The following WSB2 variants were observed in gnomAD, a reference collection of about 807,000 sequenced individuals.
WSB2 encodes the protein WD repeat and SOCS box-containing protein 2.
Under a neutral mutation model 48.8 loss-of-function variants are expected in WSB2, and 12 were observed. The observed-to-expected ratio is 0.25, with a 90% CI of 0.16 to 0.40. WSB2 has a LOEUF of 0.40. WSB2 is among the 10% of genes least tolerant of loss of function. The pLI is 1.00. For missense variants in WSB2, 317 were observed against 506.2 expected (o/e 0.63, Z 3.59); for synonymous variants, 191 against 203.1 (o/e 0.94, Z 0.51).
chr12:118,034,658 A>G (rs2031463945), intron 8 of WSB2: 1 of 493,944 alleles, frequency 2.0e-6, no homozygotes. Context: ...AGTGCCACCT[A>G]CTGAATTATA....
intron 4 of WSB2, among the ~76,000 whole-genome samples, chr12:118,042,121 CT>C (rs1323277701): frequency 2.6e-5 from 4 of 152,168 alleles, no homozygotes. Flanking sequence ...TGGGCCACCC[CT>C]GTATATAGTT....
intron 2 of WSB2, among the ~76,000 whole-genome samples, chr12:118,044,538 T>G (rs940880071): frequency 3.3e-5 from 5 of 152,214 alleles, no homozygotes; most frequent in African/African-American, 1.2e-4. Context: ...TCCTAACTGA[T>G]GGTAACCCGC....
At chr12:118,042,166 C>T (rs894561251) in intron 4 of WSB2, among the ~76,000 whole-genome samples, 3 of 152,180 alleles carry the variant, frequency 2.0e-5, no homozygotes, top group Non-Finnish European at 4.4e-5. Flanking sequence ...ACCTGATGCC[C>T]CATAGCCTGA....
chr12:118,047,685 C>CATGTA (rs2031771642), intron 2 of WSB2, among the ~76,000 whole-genome samples: 1 of 152,126 alleles, frequency 6.6e-6, no homozygotes, highest in Admixed American at 6.6e-5. Flanking sequence ...TGTACTCCAG[C>CATGTA]CTGGGTGACA....
At position 118,061,157 on chromosome 12, in the gene WSB2, C is replaced by A; in HGVS notation, c.-109G>T. The A allele has an allele frequency of 1.0e-6, 1 of 982,852 alleles. No homozygotes were observed. The highest frequency in any genetic ancestry group is 1.2e-6 in the Non-Finnish European group (1 of 828,800). 60.9% of individuals were successfully genotyped at this position (982,852 alleles called of 1,614,324 possible). A position where few individuals can be genotyped will look rare whatever the true frequency, so the allele number is the denominator to read the frequency against. ...CGCCCCGGCCAGGCCGCCGCCGCCG[C>A]CCGGAGAGGCCATCAGCTGCTTCCC... On this transcript the variant is annotated 5_prime_UTR_variant, in exon 1 of 9. Transcript: ENST00000315436.
intron 5 of WSB2, chr12:118,037,987 G>A: frequency 4.0e-6 from 1 of 251,618 alleles, no homozygotes; most frequent in Non-Finnish European, 7.6e-6. Context: ...CATGTGGGCT[G>A]CAACTTTTAA....
At chr12:118,050,658 GAATAA>G (rs2137789892) in intron 2 of WSB2, among the ~76,000 whole-genome samples, 1 of 152,118 alleles carries the variant, frequency 6.6e-6, no homozygotes, top group African/African-American at 2.4e-5. Context: ...AAAAATAAAT[GAATAA>G]AATAAACTTG....
intron 1 of WSB2, among the ~76,000 whole-genome samples, chr12:118,057,966 G>A (rs1030957355): frequency 6.6e-6 from 1 of 150,824 alleles, no homozygotes; most frequent in African/African-American, 2.4e-5. Flanking sequence ...ATGGGGGTCT[G>A]GCTATGTTGA....
At chr12:118,058,334 T>C (rs1343139531) in intron 1 of WSB2, among the ~76,000 whole-genome samples, 1 of 152,022 alleles carries the variant, frequency 6.6e-6, no homozygotes, top group Non-Finnish European at 1.5e-5. Flanking sequence ...AAAGCGACCA[T>C]ACACTTTCCT....
In WSB2 at chr12:118,043,263, G is replaced by A. The variant is rs927757210; in HGVS notation, c.297C>T (p.Phe99=). 2 of 1,614,208 alleles carry A rather than the reference G, an allele frequency of 1.2e-6. No individual in the cohort carries two copies. Among genetic ancestry groups the A allele is most frequent in the South Asian group, 2.2e-5 (2 of 91,086 alleles). ...TGCTGGGTGGGGAAGGCCACGGGCT[G>A]AAGGCCAGCCCCCAGACAATCTGAC... is the stretch of plus-strand genomic sequence containing the variant. ...DCGQIVWGLA[F]SPWPSPPSRK... The change falls in exon 3 of 9, where the codon TTC becomes TTT. Residue 99 remains phenylalanine (F), a synonymous_variant. Transcript: ENST00000315436.
In WSB2 at chr12:118,038,650, A is replaced by G. The variant is rs551608616; in HGVS notation, c.560-262T>C. The stretch of plus-strand genomic sequence containing the variant: ...TTCAACACAATCTATAAGATCAGTA[A>G]GGGTGAAGGGGTACATTGATCACTT... On this transcript the variant is annotated intron_variant, in intron 4 of 8. Coordinates refer to ENST00000315436, the MANE Select transcript of WSB2 (RefSeq NM_018639.5). 5.4e-4 allele frequency among the ~76,000 whole-genome samples: 83 copies of G among 152,316 alleles called. 1 individual carries two copies. Among genetic ancestry groups the G allele is most frequent in the African/African-American group, 1.9e-3 (81 of 41,564 alleles).
chr12:118,038,472 C>T, intron 4 of WSB2, 84 bp from the exon 5 acceptor site: 1 of 1,305,702 alleles, frequency 7.7e-7, no homozygotes. Context: ...GTGGTAACAG[C>T]CCCCAGCCCA....
chr12:118,033,182 G>A lies in WSB2; in HGVS notation c.*1014C>T, dbSNP rs1285436650. ...TAGATAACTACATGCCACTGAAGGA[G>A]AACAGTACTTTTAAGGAGCTATTTT... On this transcript the variant is annotated 3_prime_UTR_variant, in exon 9 of 9. Transcript: ENST00000315436. 6.6e-6 allele frequency: 1 copy of A among 152,176 alleles called. No homozygotes were observed. Among genetic ancestry groups the A allele is most frequent in the African/African-American group, 2.4e-5 (1 of 41,440 alleles). The allele number at this position is 152,176 out of a possible 1,614,324, so 9.4% of individuals were successfully genotyped here. A position where few individuals can be genotyped will look rare whatever the true frequency, so the allele number is the denominator to read the frequency against.
At chr12:118,045,620 G>A (rs1026273601) in intron 2 of WSB2, among the ~76,000 whole-genome samples, 4 of 151,044 alleles carry the variant, frequency 2.6e-5, no homozygotes, top group African/African-American at 9.7e-5. Flanking sequence ...GCTGATGTGG[G>A]AGGATTGCTT....
chr12:118,060,948 AGCCCGCCCC>A lies in WSB2; in HGVS notation c.13+79_13+87del, dbSNP rs893980115. ...GTCCAGCCCCCGCCCCACCCCGCCCAGCCCGCCCCGGGGTCGCCTCCCCCCTCCCCGGGG... is the reference window on the plus strand; with the variant it reads ...GTCCAGCCCCCGCCCCACCCCGCCCAGGGGTCGCCTCCCCCCTCCCCGGGG... On this transcript the variant is annotated intron_variant, in intron 1 of 8. Transcript: ENST00000315436. The surrounding 1 kb of genome is among the most constrained non-coding windows in gnomAD (Gnocchi z 4.1). 2 of 155,252 alleles carry A rather than the reference AGCCCGCCCC, an allele frequency of 1.3e-5. No individual in the cohort carries two copies. Among genetic ancestry groups the A allele is most frequent in the African/African-American group, 5.5e-5 (2 of 36,192 alleles). The allele number at this position is 155,252 out of a possible 1,614,324, so 9.6% of individuals were successfully genotyped here.
chr12:118,055,776 A>C (rs1276479322), intron 1 of WSB2, among the ~76,000 whole-genome samples: 1 of 151,578 alleles, frequency 6.6e-6, no homozygotes, highest in African/African-American at 2.4e-5. Flanking sequence ...CACCACACCC[A>C]GCTAATTTTT....
At chr12:118,038,567 A>C (rs2031563492) in intron 4 of WSB2, among the ~76,000 whole-genome samples, 179 bp from the exon 5 acceptor site, 1 of 152,188 alleles carries the variant, frequency 6.6e-6, no homozygotes, top group South Asian at 2.1e-4. Flanking sequence ...TGTCATTTAA[A>C]CACCTGTAAT....
intron 5 of WSB2, 170 bp downstream of exon 5, chr12:118,038,118 G>A (rs573021372): frequency 1.4e-5 from 7 of 517,756 alleles, no homozygotes; most frequent in South Asian, 9.9e-5. Context: ...CTTTGGGTTC[G>A]TGTTAAAGTG....
intron 2 of WSB2, among the ~76,000 whole-genome samples, chr12:118,051,009 G>A (rs548167996): frequency 6.6e-6 from 1 of 151,862 alleles, no homozygotes; most frequent in South Asian, 2.1e-4. Flanking sequence ...CTGAGATCAT[G>A]CCACTGTACT....
Sources: gnomAD v4.1 joint callset for allele counts (sites outside exome capture counted in the v4.1 genomes callset) on GRCh38, gnomAD v4.1.1 for gene constraint, Gnocchi (gnomAD v3.1) non-coding constraint, MANE v1.5 for transcripts, NCBI Gene and HGNC (gene_info 2026-07-23, HGNC 2026-07-21) for gene names.